TNFRSF19: variants seen among roughly 807,000 people sequenced by gnomAD.
TNFRSF19 encodes TNF receptor superfamily member 19.
A neutral mutation model predicts 46.4 loss-of-function variants in TNFRSF19; 27 were observed. That is an observed-to-expected ratio of 0.58 (90% CI 0.43 to 0.80). The LOEUF is 0.80. TNFRSF19 is among the 30% of genes least tolerant of loss of function. TNFRSF19 has a pLI of 0.00. For missense variants in TNFRSF19, 511 were observed against 530.8 expected, an observed-to-expected ratio of 0.96 and a Z score of 0.37; for synonymous variants, 204 against 205.0, an observed-to-expected ratio of 1.00 and a Z score of 0.04.
intron 5 of TNFRSF19, among the ~76,000 whole-genome samples, chr13:23,652,057 G>A (rs949426136): frequency 3.3e-5 from 5 of 151,996 alleles, no homozygotes; most frequent in East Asian, 1.9e-4. Context: ...TTATTACAGC[G>A]CCCAGAAAGT....
intron 3 of TNFRSF19, among the ~76,000 whole-genome samples, chr13:23,601,522 C>G (rs1880165387): frequency 1.3e-5 from 2 of 152,096 alleles, no homozygotes; most frequent in African/African-American, 4.8e-5. Flanking sequence ...AGGTCAGAAA[C>G]ATGGATCTAC....
chr13:23,660,513 G>T (rs369400501), intron 7 of TNFRSF19, 23 bp downstream of exon 7: 1 of 1,608,994 alleles, frequency 6.2e-7, no homozygotes, highest in East Asian at 2.2e-5. Context: ...GGGAAGTGCC[G>T]TTAGGAGGAC....
chr13:23,672,236 A>G (rs769260521), intron 9 of TNFRSF19, among the ~76,000 whole-genome samples: 8 of 152,230 alleles, frequency 5.3e-5, no homozygotes, highest in Admixed American at 1.3e-4. Flanking sequence ...GTATGACTCA[A>G]TTTTAATCAA....
chr13:23,583,821 T>C (rs1486584323), intron 1 of TNFRSF19, among the ~76,000 whole-genome samples: 1 of 152,230 alleles, frequency 6.6e-6, no homozygotes, highest in African/African-American at 2.4e-5. Context: ...AAAGACTGTG[T>C]AGATGTTTGA....
At chr13:23,580,517 G>A (rs1450971130) in intron 1 of TNFRSF19, among the ~76,000 whole-genome samples, 1 of 152,228 alleles carries the variant, frequency 6.6e-6, no homozygotes, top group African/African-American at 2.4e-5. Flanking sequence ...CAAAAGGGAG[G>A]ATTACATTGC....
At chr13:23,634,778 C>A (rs181978246) in intron 5 of TNFRSF19, among the ~76,000 whole-genome samples, 1 of 152,276 alleles carries the variant, frequency 6.6e-6, no homozygotes, top group East Asian at 1.9e-4. Flanking sequence ...ATGTGAGGGC[C>A]TGCACCGTGT....
intron 5 of TNFRSF19, among the ~76,000 whole-genome samples, chr13:23,644,441 T>C (rs1883209598): frequency 6.6e-6 from 1 of 152,220 alleles, no homozygotes; most frequent in Non-Finnish European, 1.5e-5. Context: ...CTCTCCTTGC[T>C]GCCGCCATGT....
intron 5 of TNFRSF19, among the ~76,000 whole-genome samples, chr13:23,648,499 G>A (rs57624982): frequency 1.7e-3 from 259 of 151,454 alleles, no homozygotes; most frequent in African/African-American, 5.8e-3. Context: ...AATCCTTATC[G>A]TTTTCAACAT....
chr13:23,604,040 G>T (rs1044384133), intron 3 of TNFRSF19, among the ~76,000 whole-genome samples: 32 of 151,896 alleles, frequency 2.1e-4, no homozygotes, highest in Admixed American at 2.1e-3. Context: ...AAGGTAAACT[G>T]ATTTGGAAGG....
In TNFRSF19 at chr13:23,570,633, A is replaced by G. The variant is rs895738742; in HGVS notation, c.-250A>G. ...TGAACTTTCTTTGATATCCATGCATATATATAAACTCAGCCCTGCCTTTGA... is the reference window on the plus strand; with the variant it reads ...TGAACTTTCTTTGATATCCATGCATGTATATAAACTCAGCCCTGCCTTTGA... On this transcript the variant is annotated 5_prime_UTR_variant, in exon 1 of 10. In the 5' UTR this introduces an upstream ATG that the reference lacks. Transcript: ENST00000248484. 6.6e-6 allele frequency: 1 copy of G among 152,218 alleles called. No individual in the cohort carries two copies. Among genetic ancestry groups the G allele is most frequent in the Non-Finnish European group, 1.5e-5 (1 of 68,056 alleles). 9.4% of individuals were successfully genotyped at this position (152,218 alleles called of 1,614,324 possible).
Position 23,626,750 on chromosome 13 carries a change from T to C in TNFRSF19, c.403T>C (p.Cys135Arg), listed in dbSNP as rs1882040668. ...ACTTGTCGGCTTTCAAGACATGGAGTGTGTGCCTTGTGGAGACCCTCCTCC... is the reference window on the plus strand; with the variant it reads ...ACTTGTCGGCTTTCAAGACATGGAGCGTGTGCCTTGTGGAGACCCTCCTCC... ...TKLVGFQDME[C>R]VPCGDPPPPY... Residue 135 changes from cysteine to arginine, a missense_variant, in exon 5 of 10, where the codon TGT becomes CGT. Physicochemically the swap from Cys to Arg is radical, Grantham distance 180. This residue lies in a region of TNFRSF19 where 376 missense variants were observed against 372.7 expected (regional missense o/e 1.01). Coordinates refer to ENST00000248484, the MANE Select transcript of TNFRSF19 (RefSeq NM_148957.4). 2 of 1,614,008 alleles carry C rather than the reference T, an allele frequency of 1.2e-6. No individual in the cohort carries two copies. The highest frequency in any genetic ancestry group is 1.7e-4 in the Middle Eastern group (1 of 6,060).
chr13:23,574,245 TATTA>T (rs1426154311), intron 1 of TNFRSF19, among the ~76,000 whole-genome samples: 1 of 152,128 alleles, frequency 6.6e-6, no homozygotes, highest in Non-Finnish European at 1.5e-5. Flanking sequence ...ACCTAATATT[TATTA>T]ATTCACTCAT....
chr13:23,577,728 C>T (rs951581422), intron 1 of TNFRSF19, among the ~76,000 whole-genome samples: 3 of 152,132 alleles, frequency 2.0e-5, no homozygotes, highest in African/African-American at 4.8e-5. Flanking sequence ...AAAGGAAGGG[C>T]CACGCGGCGC....
intron 3 of TNFRSF19, among the ~76,000 whole-genome samples, chr13:23,614,838 A>G (rs899305399): frequency 6.6e-6 from 1 of 151,010 alleles, no homozygotes; most frequent in Non-Finnish European, 1.5e-5. Context: ...GTAGGTTGAA[A>G]TCCTGGTTCT....
At chr13:23,669,780 C>G (rs1951725998) in intron 9 of TNFRSF19, 2 of 913,962 alleles carry the variant, frequency 2.2e-6, no homozygotes, top group Non-Finnish European at 2.6e-6. Flanking sequence ...GGGCACGTCT[C>G]TGCTTTCTTC....
intron 2 of TNFRSF19, among the ~76,000 whole-genome samples, chr13:23,592,098 G>A (rs939072090): frequency 1.4e-4 from 22 of 151,986 alleles, no homozygotes; most frequent in African/African-American, 5.1e-4. Flanking sequence ...TTAAACCTTT[G>A]ACCTTAAAGA....
At chr13:23,660,796 G>A (rs956122669) in intron 7 of TNFRSF19, among the ~76,000 whole-genome samples, 1 of 152,078 alleles carries the variant, frequency 6.6e-6, no homozygotes, top group African/African-American at 2.4e-5. Flanking sequence ...TGGTAGAGTA[G>A]GACTTTATAT....
intron 3 of TNFRSF19, 46 bp downstream of exon 3, chr13:23,593,501 G>A (rs751439184): frequency 1.5e-5 from 19 of 1,281,932 alleles, no homozygotes; most frequent in Non-Finnish European, 2.1e-5. Context: ...TTTGTAAAAT[G>A]CATTCGTCTT....
At chr13:23,609,886 G>T (rs1880779068) in intron 3 of TNFRSF19, among the ~76,000 whole-genome samples, 1 of 152,194 alleles carries the variant, frequency 6.6e-6, no homozygotes, top group South Asian at 2.1e-4. Context: ...AGGGATGGTT[G>T]TAAGATATTA....
Sources: gnomAD v4.1 joint callset for allele counts (sites outside exome capture counted in the v4.1 genomes callset) on GRCh38, gnomAD v4.1.1 for gene constraint, gnomAD v4.1.1 regional missense constraint, MANE v1.5 for transcripts, NCBI Gene and HGNC (gene_info 2026-07-23, HGNC 2026-07-21) for gene names.